Variants in PKD1L1 observed in about 807,000 individuals in gnomAD.
The protein encoded by PKD1L1 is polycystin-1-like protein 1.
In PKD1L1, 236 loss-of-function variants were observed where a neutral mutation model predicts 323.4. The ratio of observed to expected loss-of-function variants is 0.73; its 90% CI spans 0.66 to 0.81. The LOEUF (loss-of-function observed/expected upper bound fraction) is 0.81, where lower values mean the gene tolerates loss of function less well. Ranked by LOEUF, PKD1L1 falls within the 40% of genes least tolerant of loss-of-function variation. PKD1L1 has a pLI of 0.00. For missense variants in PKD1L1, 3,320 were observed against 3,508.0 expected (o/e 0.95, Z 1.35); for synonymous variants, 1,344 against 1,335.0 (o/e 1.01, Z -0.15).
intron 13 of PKD1L1, among the ~76,000 whole-genome samples, chr7:47,898,528 A>G (rs576374240): frequency 6.6e-6 from 1 of 152,290 alleles, no homozygotes; most frequent in African/African-American, 2.4e-5. Flanking sequence ...CCAAACGTCA[A>G]AAATATAAAT....
chr7:47,910,889 T>C lies in PKD1L1; in HGVS notation c.1229-2639A>G, dbSNP rs373833921. ...TTTTAGTAGAGACAGGATTTCACCA[T>C]GTTGGCCAAGCTGGTCTCGAACTCC... is the stretch of plus-strand genomic sequence containing the variant. On this transcript the variant is annotated intron_variant, in intron 8 of 56. Transcript: ENST00000289672. Among the ~76,000 whole-genome samples, 70 of 143,672 alleles carry C rather than the reference T, an allele frequency of 4.9e-4. 1 individual carries two copies. The East Asian group carries it at 0.014, about 29-fold the overall frequency. The allele number at this position is 143,672 out of a possible 152,430, so 94.3% of individuals were successfully genotyped here.
intron 56 of PKD1L1, among the ~76,000 whole-genome samples, chr7:47,789,587 G>A (rs1313615247): frequency 6.6e-6 from 1 of 152,006 alleles, no homozygotes; most frequent in Non-Finnish European, 1.5e-5. Flanking sequence ...TGTGTGTGTT[G>A]TGAATTTTTC....
At chr7:47,794,974 AG>A (rs1205202267) in intron 55 of PKD1L1, among the ~76,000 whole-genome samples, 1 of 152,192 alleles carries the variant, frequency 6.6e-6, no homozygotes, top group Admixed American at 6.5e-5. Flanking sequence ...CATTGTATCT[AG>A]GAAGTAACTA....
chr7:47,885,911 G>A lies in PKD1L1; in HGVS notation c.2980C>T (p.Pro994Ser), dbSNP rs1786673265. The change falls in exon 18 of 57, where the codon CCC (proline) becomes TCC (serine). Residue 994 changes from proline (P) to serine (S), a missense_variant. Physicochemically the swap from Pro to Ser is moderately conservative, Grantham distance 74 (BLOSUM62 -1). Transcript: ENST00000289672. ...TTTPFSREPSPVTLGQPATSA... is the reference protein window; with the variant it reads ...TTTPFSREPSSVTLGQPATSA... ...GTGGCAGGTTGGCCAAGGGTCACGG[G>A]TGAAGGTTCCCGTGAGAATGGTGTG... 6.2e-7 allele frequency: 1 copy of A among 1,614,212 alleles called. No homozygotes were observed.
Position 47,808,227 on chromosome 7 carries a change from G to T in PKD1L1, c.7827+20C>A. ...ACAGTGCATGGCCTCTATCTGCATG[G>T]CCCTGAGCACACCGTGTACCTGATT... On this transcript the variant is annotated intron_variant, in intron 52 of 56. Transcript: ENST00000289672. 3.7e-6 allele frequency: 6 copies of T among 1,613,786 alleles called. No homozygotes were observed. Among genetic ancestry groups the T allele is most frequent in the Non-Finnish European group, 5.1e-6 (6 of 1,179,778 alleles).
At chr7:47,828,855 G>A (rs1417265736) in intron 44 of PKD1L1, among the ~76,000 whole-genome samples, 2 of 152,180 alleles carry the variant, frequency 1.3e-5, no homozygotes, top group Admixed American at 6.5e-5. Context: ...GTCCTTGGTC[G>A]TAAGTGACTT....
At chr7:47,836,897 A>G (rs1336293282) in intron 37 of PKD1L1, 24 bp downstream of exon 37, 1 of 1,607,958 alleles carries the variant, frequency 6.2e-7, no homozygotes, top group Non-Finnish European at 8.5e-7. Context: ...GGAAGCTGCT[A>G]TAAGGAAAAG....
chr7:47,880,249 T>TAGATAGATAGATAGATAG (rs1424463564), intron 21 of PKD1L1, among the ~76,000 whole-genome samples: 3 of 101,710 alleles, frequency 2.9e-5, no homozygotes, highest in African/African-American at 1.4e-4. Context: ...ATAAATAAGA[T>TAGATAGATAGATAGATAG]ATATATATAT....
At chr7:47,809,361 C>T in intron 51 of PKD1L1, 112 bp downstream of exon 51, 1 of 765,150 alleles carries the variant, frequency 1.3e-6, no homozygotes, top group South Asian at 1.9e-5. Flanking sequence ...GAGAAAACTG[C>T]AATAATGTTG....
intron 50 of PKD1L1, among the ~76,000 whole-genome samples, chr7:47,810,473 A>C (rs565837689): frequency 1.3e-5 from 2 of 152,328 alleles, no homozygotes; most frequent in Non-Finnish European, 2.9e-5. Flanking sequence ...TTTGATGCCC[A>C]AGGTAAGTAC....
intron 44 of PKD1L1, among the ~76,000 whole-genome samples, chr7:47,828,788 G>A (rs1207610340): frequency 6.6e-6 from 1 of 152,198 alleles, no homozygotes; most frequent in Non-Finnish European, 1.5e-5. Context: ...GCGAGGAGGA[G>A]GGTGGAGATG....
At chr7:47,818,914 C>A (rs1423553665) in intron 46 of PKD1L1, among the ~76,000 whole-genome samples, 1 of 152,122 alleles carries the variant, frequency 6.6e-6, no homozygotes, top group East Asian at 1.9e-4. Flanking sequence ...AATGACTACT[C>A]AGTAGTCCAG....
chr7:47,892,956 C>T lies in PKD1L1; in HGVS notation c.2453+922G>A, dbSNP rs1384056070. Among the ~76,000 whole-genome samples, 4 of 152,018 alleles carry T rather than the reference C, an allele frequency of 2.6e-5. No homozygotes were observed. In the East Asian group the frequency reaches 5.8e-4, roughly 22 times the overall value. ...GTAAAGATTTTGGCCTGTGGCTGGG[C>T]CTGATGGCTCACGCCTGAAATCCCA... On this transcript the variant is annotated intron_variant, in intron 15 of 56. Coordinates refer to ENST00000289672, the MANE Select transcript of PKD1L1 (RefSeq NM_138295.5).
chr7:47,811,814 C>T lies in PKD1L1; in HGVS notation c.7581+3G>A. 2.5e-6 allele frequency: 4 copies of T among 1,594,864 alleles called. No homozygotes were observed. The highest frequency in any genetic ancestry group is 3.4e-6 in the Non-Finnish European group (4 of 1,171,184). ...AGGAGGCCCAAGAGGCAGGTCAGCT[C>T]ACCTGGGGAAGCATGAGGTGGTACT... is the stretch of plus-strand genomic sequence containing the variant. On this transcript the variant is annotated splice_donor_region_variant and intron_variant, in intron 50 of 56. Coordinates refer to ENST00000289672, the MANE Select transcript of PKD1L1 (RefSeq NM_138295.5).
Position 47,858,846 on chromosome 7 carries a change from G to C in PKD1L1, c.4189C>G (p.Arg1397Gly). ...AACTGGCCTTGAGCAAGGAGTGCCC[G>C]GGTGTACTTGAGGATGAGAACCGCA... ...MSAVLILKYT[R>G]ALLAQGQFSG... is the part of the protein sequence containing the mutation. Residue 1397 changes from arginine to glycine, a missense_variant, in exon 27 of 57, where the codon CGG becomes GGG. Physicochemically the swap from Arg to Gly is moderately radical, Grantham distance 125. Coordinates refer to ENST00000289672, the MANE Select transcript of PKD1L1 (RefSeq NM_138295.5). 4.3e-6 allele frequency: 7 copies of C among 1,614,000 alleles called. No homozygotes were observed. Among genetic ancestry groups the C allele is most frequent in the East Asian group, 2.2e-5 (1 of 44,866 alleles).
chr7:47,876,253 A>G, intron 22 of PKD1L1, 36 bp from the exon 23 acceptor site: 1 of 1,607,742 alleles, frequency 6.2e-7, no homozygotes, highest in East Asian at 2.2e-5. Context: ...AATAGTATAA[A>G]TGAACACACT....
At chr7:47,955,528 T>C in the PKD1L1 span, among the ~76,000 whole-genome samples, 12 of 152,352 alleles carry the variant, frequency 7.9e-5, no homozygotes, top group East Asian at 2.3e-3. Context: ...TCTATCAACA[T>C]CTAACCTGCT....
chr7:47,868,484 G>A (rs1406091049), intron 24 of PKD1L1, among the ~76,000 whole-genome samples: 3 of 152,166 alleles, frequency 2.0e-5, no homozygotes, highest in Admixed American at 6.5e-5. Context: ...AAAGCCACAG[G>A]AAGATATGAA....
chr7:47,905,623 G>T (rs993500823), intron 10 of PKD1L1, among the ~76,000 whole-genome samples: 2 of 152,206 alleles, frequency 1.3e-5, no homozygotes, highest in East Asian at 3.8e-4. Flanking sequence ...TAACAGTCCC[G>T]ATAACCCACC....
Sources: allele counts gnomAD v4.1 joint callset (sites outside exome capture counted in the v4.1 genomes callset), GRCh38; gene constraint gnomAD v4.1.1; transcripts MANE v1.5; gene names NCBI Gene and HGNC (gene_info 2026-07-23, HGNC 2026-07-21).